The following MTCL2 variants were observed in gnomAD, a reference collection of about 807,000 sequenced individuals.
MTCL2 encodes the protein microtubule crosslinking factor 2.
At chr20:36,806,063 C>A in the MTCL2 span, 6 of 766,134 alleles carry the variant, frequency 7.8e-6, no homozygotes, top group Non-Finnish European at 1.2e-5. Flanking sequence ...ATAGTCAGGC[C>A]CTCCTAGCCT....
chr20:36,846,564 T>C, the MTCL2 span, among the ~76,000 whole-genome samples: 13 of 152,336 alleles, frequency 8.5e-5, no homozygotes, highest in African/African-American at 1.9e-4. Context: ...CTGAAGAAGG[T>C]AGACGGCTTT....
chr20:36,808,057 A>C, the MTCL2 span, among the ~76,000 whole-genome samples: 1 of 148,780 alleles, frequency 6.7e-6, no homozygotes. Flanking sequence ...TTGTATTTTT[A>C]GTAGAGACGG....
the MTCL2 span, among the ~76,000 whole-genome samples, chr20:36,836,341 A>ATTTTTTTT: frequency 1.2e-5 from 1 of 85,406 alleles, no homozygotes; most frequent in Non-Finnish European, 2.2e-5. Context: ...CGCCCAGCTA[A>ATTTTTTTT]TTTTTTTTTT....
the MTCL2 span, among the ~76,000 whole-genome samples, chr20:36,861,848 A>G: frequency 3.9e-5 from 6 of 152,230 alleles, no homozygotes; most frequent in Non-Finnish European, 8.8e-5. Context: ...AAGCAAAGGC[A>G]AAGCCTGCTG....
At chr20:36,831,785 T>C in the MTCL2 span, among the ~76,000 whole-genome samples, 20 of 152,148 alleles carry the variant, frequency 1.3e-4, no homozygotes, top group African/African-American at 4.1e-4. Context: ...GCTTTGCAGA[T>C]AGGAAAACTA....
chr20:36,860,900 C>A, the MTCL2 span, among the ~76,000 whole-genome samples: 6 of 152,202 alleles, frequency 3.9e-5, no homozygotes, highest in African/African-American at 1.4e-4. Flanking sequence ...TGGACCCCGG[C>A]CCCTGTGAGA....
At chr20:36,809,578 CT>C in the MTCL2 span, among the ~76,000 whole-genome samples, 328 of 124,156 alleles carry the variant, frequency 2.6e-3, no homozygotes, top group African/African-American at 5.4e-3. Context: ...TTCTTTCATT[CT>C]TTTTTTTTTT....
the MTCL2 span, among the ~76,000 whole-genome samples, chr20:36,825,343 C>A: frequency 6.6e-6 from 1 of 152,332 alleles, no homozygotes; most frequent in East Asian, 1.9e-4. Context: ...AAGACAACCA[C>A]ACCATGTCCG....
the MTCL2 span, among the ~76,000 whole-genome samples, chr20:36,823,652 T>C: frequency 6.6e-6 from 1 of 152,002 alleles, no homozygotes; most frequent in Non-Finnish European, 1.5e-5. Context: ...CTTTCAAAAA[T>C]ACGAAATTAG....
the MTCL2 span, among the ~76,000 whole-genome samples, chr20:36,828,302 G>A: frequency 6.6e-6 from 1 of 152,204 alleles, no homozygotes; most frequent in Non-Finnish European, 1.5e-5. Context: ...AACCCCCTGA[G>A]CCCTGCATGG....
chr20:36,790,427 CCT>C, the MTCL2 span, among the ~76,000 whole-genome samples: 1 of 128,268 alleles, frequency 7.8e-6, no homozygotes, highest in African/African-American at 3.1e-5. Flanking sequence ...CACGCCTGGC[CCT>C]TTTTTTTTTT....
chr20:36,862,921 T>G, the MTCL2 span: 6 of 1,331,380 alleles, frequency 4.5e-6, no homozygotes, highest in Non-Finnish European at 5.8e-6. Context: ...TCGGCGTCGC[T>G]GCTCAGCGCC....
the MTCL2 span, among the ~76,000 whole-genome samples, chr20:36,806,864 T>G: frequency 1.3e-5 from 2 of 152,316 alleles, no homozygotes; most frequent in East Asian, 3.9e-4. Flanking sequence ...TAAAGTAAGT[T>G]TCTCTCTCTT....
the MTCL2 span, chr20:36,815,449 T>C: frequency 6.2e-7 from 1 of 1,609,726 alleles, no homozygotes. This position sits in a 1 kb window ranked among gnomAD's most constrained non-coding sequence, Gnocchi z 5.3. Context: ...TCGATGGCCT[T>C]ACTGACCAGG....
chr20:36,858,318 ACACACACAC>A, the MTCL2 span, among the ~76,000 whole-genome samples: 4 of 115,296 alleles, frequency 3.5e-5, no homozygotes, highest in Non-Finnish European at 7.1e-5. Context: ...GAAAACACAC[ACACACACAC>A]ACACACACAC....
At chr20:36,844,254 A>T in the MTCL2 span, among the ~76,000 whole-genome samples, 2 of 150,584 alleles carry the variant, frequency 1.3e-5, no homozygotes, top group African/African-American at 2.4e-5. Context: ...ATAAAATAAA[A>T]TAAAATAAAA....
the MTCL2 span, among the ~76,000 whole-genome samples, chr20:36,848,508 A>T: frequency 6.6e-6 from 1 of 152,240 alleles, no homozygotes; most frequent in African/African-American, 2.4e-5. Context: ...CAGTTTACAA[A>T]GACATTCCAT....
chr20:36,787,199 AT>A, the MTCL2 span, among the ~76,000 whole-genome samples: 3 of 151,940 alleles, frequency 2.0e-5, no homozygotes, highest in East Asian at 5.8e-4. Context: ...CTAGATAGAA[AT>A]AACTGATTTA....
the MTCL2 span, among the ~76,000 whole-genome samples, chr20:36,797,783 C>T: frequency 6.6e-6 from 1 of 152,212 alleles, no homozygotes; most frequent in East Asian, 1.9e-4. Context: ...TACTTGCAGG[C>T]ATCCTTCTAG....
Sources: gnomAD v4.1 joint callset for allele counts (sites outside exome capture counted in the v4.1 genomes callset) on GRCh38, gnomAD v4.1.1 for gene constraint, Gnocchi (gnomAD v3.1) non-coding constraint, MANE v1.5 for transcripts, NCBI Gene and HGNC (gene_info 2026-07-23, HGNC 2026-07-21) for gene names.